The following STX12 variants were observed in gnomAD, a reference collection of about 807,000 sequenced individuals.
STX12 encodes the protein syntaxin 12, also known as syntaxin-12.
Under a neutral mutation model 42.2 loss-of-function variants are expected in STX12, and 17 were observed. The ratio of observed to expected loss-of-function variants is 0.40; its 90% confidence interval spans 0.28 to 0.60. STX12 has a LOEUF of 0.60. Among genes scored for constraint, STX12 ranks in the 20% least tolerant of loss-of-function variants. The pLI, the probability that STX12 is intolerant of heterozygous loss-of-function variation, is 0.39. For missense variants in STX12, 297 were observed against 330.9 expected, an observed-to-expected ratio of 0.90 and a Z score of 0.79; for synonymous variants, 108 against 116.7, an observed-to-expected ratio of 0.93 and a Z score of 0.48.
intron 1 of STX12, 143 bp downstream of exon 1, chr1:27,773,568 GC>G: frequency 1.4e-6 from 1 of 702,280 alleles, no homozygotes; most frequent in Non-Finnish European, 2.4e-6. Flanking sequence ...GGGGCGGTGG[GC>G]TGCCATCCCC....
At chr1:27,819,805 G>T in intron 8 of STX12, 73 bp downstream of exon 8, 1 of 1,304,064 alleles carries the variant, frequency 7.7e-7, no homozygotes, top group South Asian at 1.2e-5. Context: ...TTGACATATT[G>T]AGAACAGCTA....
chr1:27,797,875 AACACACACACACAC>A (rs61106135), intron 3 of STX12, among the ~76,000 whole-genome samples: 2 of 143,112 alleles, frequency 1.4e-5, no homozygotes, highest in Non-Finnish European at 3.1e-5. Flanking sequence ...TCTGAAGGTA[AACACACACACACAC>A]ACACACACAC....
chr1:27,799,726 C>T (rs2088814286), intron 3 of STX12, among the ~76,000 whole-genome samples: 1 of 152,014 alleles, frequency 6.6e-6, no homozygotes, highest in African/African-American at 2.4e-5. Context: ...TCGTGATCTG[C>T]CTGCCTCATC....
At chr1:27,776,990 T>C (rs1045444030) in intron 1 of STX12, among the ~76,000 whole-genome samples, 1 of 152,172 alleles carries the variant, frequency 6.6e-6, no homozygotes, top group Non-Finnish European at 1.5e-5. Flanking sequence ...TGATCCACTA[T>C]GCAACAAATA....
intron 2 of STX12, among the ~76,000 whole-genome samples, chr1:27,792,039 ATAG>A (rs980065794): frequency 3.5e-5 from 5 of 144,290 alleles, no homozygotes; most frequent in African/African-American, 1.3e-4. Flanking sequence ...AAATATAAAT[ATAG>A]TATATAAATA....
At chr1:27,805,814 A>G (rs1001308213) in intron 4 of STX12, among the ~76,000 whole-genome samples, 3 of 152,204 alleles carry the variant, frequency 2.0e-5, no homozygotes, top group Non-Finnish European at 2.9e-5. Flanking sequence ...GCAGAAATAT[A>G]CAATTGGAAA....
At chr1:27,785,941 A>G (rs762905412) in intron 1 of STX12, among the ~76,000 whole-genome samples, 6 of 152,212 alleles carry the variant, frequency 3.9e-5, no homozygotes, top group Non-Finnish European at 7.3e-5. Context: ...CTTAGGTATC[A>G]GATAAGTAGG....
intron 2 of STX12, among the ~76,000 whole-genome samples, chr1:27,791,932 C>T (rs2088743869): frequency 6.7e-6 from 1 of 149,940 alleles, no homozygotes; most frequent in African/African-American, 2.5e-5. Flanking sequence ...TGGAGTGAGC[C>T]AAGATCGCGC....
rs2089001158 is a variant in STX12, at chr1:27,823,735, A to C, written c.*1406A>C. ...TGCATAAGTTTCTTTGCACTGTTGCACTTACTTAATACAAATAAATGTTTT... is the reference window on the plus strand; with the variant it reads ...TGCATAAGTTTCTTTGCACTGTTGCCCTTACTTAATACAAATAAATGTTTT... On this transcript the variant is annotated 3_prime_UTR_variant, in exon 9 of 9. Transcript: ENST00000373943. The C allele has an allele frequency of 6.5e-6, 1 of 152,700 alleles. No individual in the cohort carries two copies. Among genetic ancestry groups the C allele is most frequent in the Non-Finnish European group, 1.5e-5 (1 of 68,058 alleles). 9.5% of individuals were successfully genotyped at this position (152,700 alleles called of 1,614,324 possible).
intron 3 of STX12, among the ~76,000 whole-genome samples, chr1:27,793,845 G>T (rs970977984): frequency 2.0e-5 from 3 of 152,058 alleles, no homozygotes; most frequent in Admixed American, 1.3e-4. Context: ...TCTGCGTCTG[G>T]TAGGTAATCA....
chr1:27,809,815 A>G (rs1227631813), intron 4 of STX12: 2 of 154,058 alleles, frequency 1.3e-5, no homozygotes, highest in African/African-American at 4.8e-5. Context: ...TTAGGAGAAA[A>G]AAAGGTAACA....
chr1:27,797,307 T>C (rs2088793218), intron 3 of STX12, among the ~76,000 whole-genome samples: 1 of 152,228 alleles, frequency 6.6e-6, no homozygotes, highest in South Asian at 2.1e-4. Context: ...TCCGCCTGCC[T>C]CGGCCTTCCA....
chr1:27,800,488 G>GGTGTGTGTGTGTGTGT (rs57488710), intron 3 of STX12, among the ~76,000 whole-genome samples: 1 of 140,886 alleles, frequency 7.1e-6, no homozygotes, highest in Non-Finnish European at 1.5e-5. Flanking sequence ...GTCAGTATGT[G>GGTGTGTGTGTGTGTGT]GTGTGTGTGT....
chr1:27,820,722 C>T (rs1193814787), intron 8 of STX12, among the ~76,000 whole-genome samples: 1 of 151,868 alleles, frequency 6.6e-6, no homozygotes, highest in African/African-American at 2.4e-5. Flanking sequence ...GACACATGCA[C>T]ACGTATGTTT....
chr1:27,773,936 A>G (rs1001572441), intron 1 of STX12: 2 of 153,240 alleles, frequency 1.3e-5, no homozygotes, highest in Non-Finnish European at 2.9e-5. Context: ...TGTTTGGGTG[A>G]CTTCATACAC....
intron 4 of STX12, among the ~76,000 whole-genome samples, chr1:27,807,570 T>C (rs914191731): frequency 6.6e-6 from 1 of 152,248 alleles, no homozygotes; most frequent in African/African-American, 2.4e-5. Context: ...GTTGTCATTA[T>C]GGATATGATG....
chr1:27,776,832 G>A (rs534886608), intron 1 of STX12, among the ~76,000 whole-genome samples: 3 of 152,180 alleles, frequency 2.0e-5, no homozygotes, highest in African/African-American at 7.2e-5. Context: ...ACTCTGTGGG[G>A]GAAATACCTG....
At chr1:27,789,521 ATTTTTCT>A (rs1480660844) in intron 1 of STX12, 34 bp from the exon 2 acceptor site, 3 of 1,516,734 alleles carry the variant, frequency 2.0e-6, no homozygotes, top group Non-Finnish European at 1.8e-6. Flanking sequence ...TGATGAATGT[ATTTTTCT>A]TTTAAATAAA....
At chr1:27,792,120 ATATATATC>A (rs2088746817) in intron 2 of STX12, among the ~76,000 whole-genome samples, 1 of 136,252 alleles carries the variant, frequency 7.3e-6, no homozygotes, top group African/African-American at 2.9e-5. Flanking sequence ...TAAATATATA[ATATATATC>A]TATATATGTA....
Sources: allele counts gnomAD v4.1 joint callset (sites outside exome capture counted in the v4.1 genomes callset), GRCh38; gene constraint gnomAD v4.1.1; transcripts MANE v1.5; gene names NCBI Gene and HGNC (gene_info 2026-07-23, HGNC 2026-07-21).